TENM4: variants seen among roughly 807,000 people sequenced by gnomAD.
The protein encoded by TENM4 is teneurin transmembrane protein 4.
A neutral mutation model predicts 243.3 loss-of-function variants in TENM4; 82 were observed. The ratio of observed to expected loss-of-function variants is 0.34; its 90% confidence interval spans 0.28 to 0.40. TENM4 has a LOEUF of 0.40. TENM4 is among the 10% of genes least tolerant of loss of function. TENM4 has a pLI of 1.00. For missense variants in TENM4, 3,138 were observed against 3,673.3 expected (o/e 0.85, Z 3.77); for synonymous variants, 1,412 against 1,456.3 (o/e 0.97, Z 0.69).
intron 5 of TENM4, among the ~76,000 whole-genome samples, chr11:79,066,553 GACAC>G (rs1263741267): frequency 6.6e-6 from 1 of 152,092 alleles, no homozygotes; most frequent in Non-Finnish European, 1.5e-5. Context: ...CACACATGCA[GACAC>G]ACACAGACGT....
At chr11:79,235,968 T>G (rs1238215180) in intron 2 of TENM4, among the ~76,000 whole-genome samples, 1 of 152,096 alleles carries the variant, frequency 6.6e-6, no homozygotes. Context: ...ATTCATACAA[T>G]GCATAGGAGA....
chr11:79,154,640 C>T (rs1862568372), intron 3 of TENM4, among the ~76,000 whole-genome samples: 1 of 152,090 alleles, frequency 6.6e-6, no homozygotes, highest in Non-Finnish European at 1.5e-5. Flanking sequence ...GAGTAAGTGC[C>T]GTCCCCAAGG....
Position 78,854,233 on chromosome 11 carries a change from G to C in TENM4, c.1552C>G (p.Arg518Gly), listed in dbSNP as rs1396035828. The change falls in exon 12 of 34, where the codon CGG becomes GGG. Residue 518 changes from arginine (R) to glycine (G), a missense_variant. Physicochemically the swap from Arg to Gly is moderately radical, Grantham distance 125 (BLOSUM62 -2). Transcript: ENST00000278550. ...TGGCTGGAGGGGGGCACAGTTCCCC[G>C]AGACTGGCGCGGGGTCCCCTCTAGG... ...RSLEGTPRQS[R>G]GTVPPSSHET... is the part of the protein sequence containing the mutation. The C allele has an allele frequency of 3.2e-6, 5 of 1,551,380 alleles. No homozygotes were observed. Among genetic ancestry groups the C allele is most frequent in the Non-Finnish European group, 4.4e-6 (5 of 1,146,864 alleles).
chr11:79,399,306 G>A (rs1486422633), intron 1 of TENM4, among the ~76,000 whole-genome samples: 7 of 152,146 alleles, frequency 4.6e-5, no homozygotes, highest in Non-Finnish European at 8.8e-5. Flanking sequence ...AGAATCAGCT[G>A]AAATGAGTAG....
At chr11:78,960,369 A>G (rs1857292212) in intron 6 of TENM4, among the ~76,000 whole-genome samples, 1 of 152,186 alleles carries the variant, frequency 6.6e-6, no homozygotes. Context: ...TTCCAAAGAC[A>G]GTGGAAGCGG....
chr11:78,805,516 A>T, intron 14 of TENM4, 24 bp from the exon 15 acceptor site: 1 of 1,555,296 alleles, frequency 6.4e-7, no homozygotes, highest in Non-Finnish European at 8.7e-7. Context: ...GAAGGAGAAC[A>T]TAGGTAAGCA....
intron 1 of TENM4, among the ~76,000 whole-genome samples, chr11:79,342,017 A>G (rs1049430619): frequency 2.0e-5 from 3 of 152,214 alleles, no homozygotes; most frequent in African/African-American, 4.8e-5. Context: ...ATTGGGTGCA[A>G]TGTGAATGCT....
At chr11:79,032,798 G>C (rs1217455102) in intron 6 of TENM4, among the ~76,000 whole-genome samples, 1 of 152,204 alleles carries the variant, frequency 6.6e-6, no homozygotes, top group Non-Finnish European at 1.5e-5. Flanking sequence ...CCCAAGGAAA[G>C]GCGATACTAA....
intron 15 of TENM4, among the ~76,000 whole-genome samples, chr11:78,800,825 T>G (rs1167244114): frequency 6.6e-6 from 1 of 151,832 alleles, no homozygotes; most frequent in Non-Finnish European, 1.5e-5. Flanking sequence ...TGGAGCCAGA[T>G]GTGGTTTGAA....
intron 2 of TENM4, among the ~76,000 whole-genome samples, chr11:79,256,049 A>ACCAG (rs1399149650): frequency 1.3e-5 from 2 of 152,142 alleles, no homozygotes; most frequent in African/African-American, 4.8e-5. Context: ...TATTGGAGCC[A>ACCAG]CCAGCCTCAG....
At chr11:79,406,246 T>C (rs1395878720) in intron 1 of TENM4, among the ~76,000 whole-genome samples, 1 of 152,202 alleles carries the variant, frequency 6.6e-6, no homozygotes, top group African/African-American at 2.4e-5. Flanking sequence ...CCTAGTGCAA[T>C]TTTTCTTCAC....
At chr11:79,353,609 C>G (rs1202339267) in intron 1 of TENM4, among the ~76,000 whole-genome samples, 1 of 151,986 alleles carries the variant, frequency 6.6e-6, no homozygotes, top group Non-Finnish European at 1.5e-5. Context: ...CGCTTGGTAC[C>G]TGAAAAACAC....
In TENM4 at chr11:79,064,921, G is replaced by T; in HGVS notation, c.310C>A (p.His104Asn). 1.9e-6 allele frequency: 3 copies of T among 1,540,606 alleles called. No homozygotes were observed. The highest frequency in any genetic ancestry group is 2.6e-6 in the Non-Finnish European group (3 of 1,139,458). ...TLYRTDIGLP[H>N]CGYSMGAGSD... The stretch of plus-strand genomic sequence containing the variant: ...CCAGCCCCCATGGAGTAGCCGCAGT[G>T]GGGGAGGCCAATGTCTGTCCGGTAC... The change falls in exon 6 of 34, where the codon CAC becomes AAC. Residue 104 changes from histidine (H) to asparagine (N), a missense_variant. Physicochemically the swap from His to Asn is moderately conservative, Grantham distance 68. This residue lies in a region of TENM4 where 671 missense variants were observed against 614.1 expected (regional missense o/e 1.09). Transcript: ENST00000278550.
chr11:78,792,487 T>C (rs1218712603), intron 15 of TENM4, among the ~76,000 whole-genome samples: 1 of 151,976 alleles, frequency 6.6e-6, no homozygotes, highest in African/African-American at 2.4e-5. Context: ...ACGTGAGCTC[T>C]TCCCCTACAG....
Position 78,805,277 on chromosome 11 carries a change from T to TGCCC in TENM4, c.2179+14_2179+15insGGGC. 3.4e-4 allele frequency: 480 copies of TGCCC among 1,401,840 alleles called. No individual in the cohort carries two copies. Among genetic ancestry groups the TGCCC allele is most frequent in the Non-Finnish European group, 4.2e-4 (433 of 1,032,450 alleles). The allele number at this position is 1,401,840 out of a possible 1,614,324, so 86.8% of individuals were successfully genotyped here. A position where few individuals can be genotyped will look rare whatever the true frequency, so the allele number is the denominator to read the frequency against. On this transcript the variant is annotated intron_variant, in intron 15 of 33. Transcript: ENST00000278550. ...CCCCTCCCTCTACCCATGCTTCTTC[T>TGCCC]CCCCCTGCATTTACCGATAGAACAG... is the stretch of plus-strand genomic sequence containing the variant.
intron 16 of TENM4, among the ~76,000 whole-genome samples, chr11:78,785,967 C>A (rs1394823769): frequency 8.4e-6 from 1 of 118,714 alleles, no homozygotes; most frequent in African/African-American, 2.8e-5. Context: ...ATCACAGACC[C>A]TTCATTTAAA....
intron 1 of TENM4, among the ~76,000 whole-genome samples, chr11:79,354,818 G>A (rs1236331998): frequency 6.6e-6 from 1 of 151,940 alleles, no homozygotes; most frequent in African/African-American, 2.4e-5. Flanking sequence ...AACAAAAAAA[G>A]AATTTGAAGT....
At chr11:78,940,560 G>A (rs746534881) in intron 6 of TENM4, among the ~76,000 whole-genome samples, 1 of 152,170 alleles carries the variant, frequency 6.6e-6, no homozygotes, top group Admixed American at 6.5e-5. Flanking sequence ...GGCTGACAGG[G>A]CAGCAGGCTC....
At chr11:78,878,168 C>T (rs1275320547) in intron 9 of TENM4, among the ~76,000 whole-genome samples, 1 of 152,120 alleles carries the variant, frequency 6.6e-6, no homozygotes, top group Non-Finnish European at 1.5e-5. Flanking sequence ...TTCTTTCTCC[C>T]CTCTCCATGC....
Sources: gnomAD v4.1 joint callset for allele counts (sites outside exome capture counted in the v4.1 genomes callset) on GRCh38, gnomAD v4.1.1 for gene constraint, gnomAD v4.1.1 regional missense constraint, MANE v1.5 for transcripts, NCBI Gene and HGNC (gene_info 2026-07-23, HGNC 2026-07-21) for gene names.